The following IQSEC2 variants were observed in gnomAD, a reference collection of about 807,000 sequenced individuals.
IQSEC2 encodes IQ motif and Sec7 domain ArfGEF 2, also known as IQ motif and SEC7 domain-containing protein 2.
IQSEC2 carries 6 observed loss-of-function variants against 74.6 expected under a neutral mutation model. The ratio of observed to expected loss-of-function variants is 0.08; its 90% confidence interval spans 0.04 to 0.16. The LOEUF (loss-of-function observed/expected upper bound fraction) is 0.16, where lower values mean the gene tolerates loss of function less well. IQSEC2 is among the 10% of genes least tolerant of loss of function. The pLI, the probability that IQSEC2 is intolerant of heterozygous loss-of-function variation, is 1.00. For synonymous variants in IQSEC2, 494 were observed against 544.5 expected, an observed-to-expected ratio of 0.91 and a Z score of 1.29; for missense variants, 734 against 1,306.2, an observed-to-expected ratio of 0.56 and a Z score of 6.75.
intron 1 of IQSEC2, among the ~76,000 whole-genome samples, chrX:53,314,353 C>T (rs2075347512): frequency 8.9e-6 from 1 of 112,306 alleles, no homozygotes; most frequent in Non-Finnish European, 1.9e-5. Flanking sequence ...CAGAACCTGA[C>T]ACACAAAATG....
At chrX:53,256,206 G>A in intron 2 of IQSEC2, 145 bp from the exon 3 acceptor site, 1 of 547,086 alleles carries the variant, frequency 1.8e-6, no homozygotes, top group Non-Finnish European at 2.9e-6. Flanking sequence ...ACACTTACAG[G>A]CCACGGTGAG....
chrX:53,235,325 C>T (rs1046550294), intron 14 of IQSEC2, 141 bp from the exon 15 acceptor site: 27 of 765,136 alleles, frequency 3.5e-5, no homozygotes, highest in Admixed American at 1.2e-4. Context: ...CAGTCCGGTA[C>T]GCGTATGTGG....
intron 2 of IQSEC2, among the ~76,000 whole-genome samples, chrX:53,272,308 C>T (rs781881770): frequency 9.0e-6 from 1 of 111,308 alleles, no homozygotes; most frequent in East Asian, 2.8e-4. Flanking sequence ...CACAGCAGTA[C>T]TCCAAAAGTA....
intron 2 of IQSEC2, among the ~76,000 whole-genome samples, chrX:53,275,109 C>G (rs1556869262): frequency 9.0e-6 from 1 of 111,561 alleles, no homozygotes; most frequent in Non-Finnish European, 1.9e-5. Flanking sequence ...AAGGCTTTCT[C>G]CACCTTAATA....
At chrX:53,244,253 A>G (rs2074269038) in intron 8 of IQSEC2, among the ~76,000 whole-genome samples, 1 of 107,222 alleles carries the variant, frequency 9.3e-6, no homozygotes, top group Admixed American at 1.0e-4. Flanking sequence ...AAAGAATGCT[A>G]GGGCAGGCGT....
chrX:53,230,980 A>C (rs1556858336), downstream of IQSEC2: 2 of 112,585 alleles, frequency 1.8e-5, no homozygotes, highest in Non-Finnish European at 3.8e-5. Context: ...AGGAGCTCCC[A>C]GAGGGGCCCG....
Position 53,250,379 on chromosome X carries a change from T to C in IQSEC2, c.2197A>G (p.Thr733Ala). The change falls in exon 5 of 15, where the codon ACT (threonine) becomes GCT (alanine). Residue 733 changes from threonine (T) to alanine (A), a missense_variant. Physicochemically the swap from Thr to Ala is moderately conservative, Grantham distance 58. Transcript: ENST00000642864. ...EPPATGLCKQ[T>A]YQRETRHSWD... ...CTATGCCTTGTCTCCCGCTGGTAAG[T>C]CTGCTTGCACAGGCCGGTAGCCGGA... 8.3e-7 allele frequency: 1 copy of C among 1,211,901 alleles called. No homozygotes were observed. Among genetic ancestry groups the C allele is most frequent in the Non-Finnish European group, 1.1e-6 (1 of 895,359 alleles).
At chrX:53,281,938 C>A (rs782699497) in intron 2 of IQSEC2, among the ~76,000 whole-genome samples, 9 of 112,495 alleles carry the variant, frequency 8.0e-5, no homozygotes, top group Non-Finnish European at 1.3e-4. Flanking sequence ...TATTCCCAAA[C>A]CTGGAATCTG....
intron 2 of IQSEC2, among the ~76,000 whole-genome samples, chrX:53,286,966 A>AAAAG (rs1224486252): frequency 7.4e-5 from 8 of 108,518 alleles, no homozygotes; most frequent in African/African-American, 1.0e-4. Flanking sequence ...AAGAAAAAGA[A>AAAAG]AAAGAAAGAA....
chrX:53,299,348 G>T (rs1317714627), intron 1 of IQSEC2, among the ~76,000 whole-genome samples: 12 of 112,108 alleles, frequency 1.1e-4, no homozygotes, highest in African/African-American at 3.6e-4. Flanking sequence ...CTTGCCAGGT[G>T]GTGGGCTTCA....
chrX:53,251,348 T>G (rs1405164438), intron 4 of IQSEC2, among the ~76,000 whole-genome samples, 174 bp from the exon 5 acceptor site: 1 of 109,969 alleles, frequency 9.1e-6, no homozygotes, highest in Non-Finnish European at 1.9e-5. Flanking sequence ...CTCTCTGTGG[T>G]CTGTAAAATG....
chrX:53,237,693 A>G (rs2074156564), intron 12 of IQSEC2: 1 of 160,076 alleles, frequency 6.2e-6, no homozygotes, highest in Admixed American at 7.1e-5. Context: ...GGATTTTTTG[A>G]ATGCCTAAGA....
At chrX:53,295,451 A>G (rs376078529) in intron 1 of IQSEC2, among the ~76,000 whole-genome samples, 2 of 108,380 alleles carry the variant, frequency 1.8e-5, no homozygotes, top group Non-Finnish European at 3.8e-5. Flanking sequence ...AAAAATACAA[A>G]AAATTAGCCG....
At chrX:53,229,805 T>C (rs2074056695), downstream of IQSEC2, 3 of 112,291 alleles carry the variant, frequency 2.7e-5, no homozygotes, top group African/African-American at 9.7e-5. Flanking sequence ...GTGAGTAAAA[T>C]TTAAGGAGTA....
chrX:53,263,615 T>C (rs1325582858), intron 2 of IQSEC2, among the ~76,000 whole-genome samples: 1 of 107,787 alleles, frequency 9.3e-6, no homozygotes, highest in Non-Finnish European at 1.9e-5. Context: ...GCCCAGAATG[T>C]CTTCTGTCTC....
At chrX:53,295,198 C>T (rs1229235086) in intron 1 of IQSEC2, among the ~76,000 whole-genome samples, 13 of 112,246 alleles carry the variant, frequency 1.2e-4, no homozygotes, top group African/African-American at 4.2e-4. Flanking sequence ...CCATCCTCAG[C>T]AGTGATGGCC....
At chrX:53,284,216 C>T (rs782544630) in intron 2 of IQSEC2, among the ~76,000 whole-genome samples, 5 of 110,936 alleles carry the variant, frequency 4.5e-5, no homozygotes, top group African/African-American at 1.3e-4. Context: ...ATCAGATCCT[C>T]GGATGGGTCT....
At chrX:53,308,163 C>CAAA (rs142766855) in intron 1 of IQSEC2, among the ~76,000 whole-genome samples, 141 of 37,600 alleles carry the variant, frequency 3.7e-3, no homozygotes, top group African/African-American at 6.8e-3. Context: ...GACTCCATCT[C>CAAA]AAAAAAAAAA....
intron 1 of IQSEC2, among the ~76,000 whole-genome samples, chrX:53,305,829 T>A (rs903594866): frequency 9.0e-6 from 1 of 111,308 alleles, no homozygotes; most frequent in South Asian, 3.8e-4. Flanking sequence ...ATCTGTCTCC[T>A]GTCTCCCCAC....
Sources: gnomAD v4.1 joint callset for allele counts (sites outside exome capture counted in the v4.1 genomes callset) on GRCh38, gnomAD v4.1.1 for gene constraint, MANE v1.5 for transcripts, NCBI Gene and HGNC (gene_info 2026-07-23, HGNC 2026-07-21) for gene names.